The following WDR72 variants were observed in gnomAD, a reference collection of about 807,000 sequenced individuals.
WDR72 encodes WD repeat domain 72.
In WDR72, 120 loss-of-function variants were observed where a neutral mutation model predicts 124.2. That is an observed-to-expected ratio of 0.97 (90% CI 0.83 to 1.12). WDR72 has a LOEUF of 1.12. WDR72 is among the 50% of genes most tolerant of loss of function. WDR72 has a pLI of 0.00. For synonymous variants in WDR72, 452 were observed against 441.7 expected (o/e 1.02, Z -0.29); for missense variants, 1,387 against 1,278.8 (o/e 1.08, Z -1.29).
intron 17 of WDR72, among the ~76,000 whole-genome samples, chr15:53,601,655 G>A (rs1476795955): frequency 6.6e-6 from 1 of 151,986 alleles, no homozygotes; most frequent in Non-Finnish European, 1.5e-5. Flanking sequence ...AATCTACCAA[G>A]CAAGTGGAAA....
At chr15:53,650,290 A>T (rs2015186560) in intron 14 of WDR72, among the ~76,000 whole-genome samples, 1 of 152,186 alleles carries the variant, frequency 6.6e-6, no homozygotes, top group African/African-American at 2.4e-5. Context: ...TTAAGTTATT[A>T]ATCAATGGGC....
chr15:53,648,710 C>A (rs1185945914), intron 14 of WDR72, among the ~76,000 whole-genome samples: 1 of 151,910 alleles, frequency 6.6e-6, no homozygotes, highest in African/African-American at 2.4e-5. Flanking sequence ...TTCAATTCAA[C>A]ACATACTTAT....
intron 14 of WDR72, among the ~76,000 whole-genome samples, chr15:53,631,495 A>T (rs553497264): frequency 1.1e-3 from 171 of 152,330 alleles, no homozygotes; most frequent in African/African-American, 3.9e-3. Context: ...GATACCTGAA[A>T]ATGTGAAAGC....
intron 14 of WDR72, among the ~76,000 whole-genome samples, chr15:53,628,214 A>G (rs2014285588): frequency 6.6e-6 from 1 of 152,186 alleles, no homozygotes; most frequent in Non-Finnish European, 1.5e-5. Context: ...TTAATCTTCA[A>G]GTTTCTAAAT....
chr15:53,629,294 A>C (rs888404869), intron 14 of WDR72, among the ~76,000 whole-genome samples: 8 of 152,150 alleles, frequency 5.3e-5, no homozygotes, highest in Non-Finnish European at 7.4e-5. Context: ...TGAGCTTGCA[A>C]ACCAAACTTC....
At chr15:53,716,777 G>T in intron 3 of WDR72, 92 bp from the exon 4 acceptor site, 2 of 418,572 alleles carry the variant, frequency 4.8e-6, no homozygotes, top group Admixed American at 3.0e-5. Flanking sequence ...TTAGCAGCCT[G>T]ATCATTTATG....
chr15:53,719,866 G>A (rs2017824292), intron 3 of WDR72, among the ~76,000 whole-genome samples: 1 of 152,124 alleles, frequency 6.6e-6, no homozygotes, highest in Admixed American at 6.6e-5. Flanking sequence ...CCAAGTCCTG[G>A]TGCCCTACTT....
In WDR72 at chr15:53,707,064, A is replaced by G. The variant is rs762743681; in HGVS notation, c.955-990T>C. On this transcript the variant is annotated intron_variant, in intron 9 of 19. Transcript: ENST00000360509. ...GATCAAAATCATTTAAGCGATTACAAAAACAAAACCCAAACTCTCTTTGGC... is the reference window on the plus strand; with the variant it reads ...GATCAAAATCATTTAAGCGATTACAGAAACAAAACCCAAACTCTCTTTGGC... Among the ~76,000 whole-genome samples, 15 of 152,162 alleles carry G rather than the reference A, an allele frequency of 9.9e-5. 1 individual carries two copies. Among genetic ancestry groups the G allele is most frequent in the Non-Finnish European group, 1.9e-4 (13 of 68,032 alleles).
intron 14 of WDR72, among the ~76,000 whole-genome samples, chr15:53,649,941 G>C (rs957405305): frequency 3.3e-5 from 5 of 151,966 alleles, no homozygotes; most frequent in Non-Finnish European, 7.4e-5. Context: ...TCGACTTCTG[G>C]GTATTTATCC....
At chr15:53,531,049 GA>G (rs1464272930) in intron 18 of WDR72, among the ~76,000 whole-genome samples, 5 of 152,132 alleles carry the variant, frequency 3.3e-5, no homozygotes, top group African/African-American at 1.2e-4. Context: ...ATAGGAAATG[GA>G]AAATAAGAAA....
chr15:53,593,202 T>G (rs2012594180), intron 18 of WDR72, among the ~76,000 whole-genome samples: 1 of 152,064 alleles, frequency 6.6e-6, no homozygotes, highest in South Asian at 2.1e-4. Context: ...TGCATTTCCT[T>G]TAGTAAGAGA....
chr15:53,570,264 T>TG (rs200273425), intron 18 of WDR72, among the ~76,000 whole-genome samples: 1,599 of 20,838 alleles, frequency 0.077, 34 homozygotes, highest in African/African-American at 0.15. Context: ...CATATACCAT[T>TG]TTTTTTTTTT....
At chr15:53,719,978 A>T (rs2017827408) in intron 3 of WDR72, among the ~76,000 whole-genome samples, 1 of 152,142 alleles carries the variant, frequency 6.6e-6, no homozygotes, top group Admixed American at 6.6e-5. Context: ...TTAACTATAC[A>T]TATATAAAAA....
At chr15:53,559,408 T>C (rs1894052306) in intron 18 of WDR72, among the ~76,000 whole-genome samples, 1 of 152,078 alleles carries the variant, frequency 6.6e-6, no homozygotes, top group Non-Finnish European at 1.5e-5. Context: ...ACTCTTATTT[T>C]TCCTTACAAT....
At chr15:53,685,800 C>T (rs2016600139) in intron 13 of WDR72, among the ~76,000 whole-genome samples, 1 of 147,216 alleles carries the variant, frequency 6.8e-6, no homozygotes, top group Non-Finnish European at 1.5e-5. Context: ...ATGTTAAGGG[C>T]AGCCAGAGAG....
At chr15:53,687,868 T>C (rs1331227592) in intron 13 of WDR72, among the ~76,000 whole-genome samples, 3 of 149,192 alleles carry the variant, frequency 2.0e-5, no homozygotes, top group Admixed American at 6.6e-5. Flanking sequence ...TCCACCATGA[T>C]CAAGTGGGCT....
At chr15:53,558,610 T>C (rs1894012609) in intron 18 of WDR72, among the ~76,000 whole-genome samples, 1 of 152,042 alleles carries the variant, frequency 6.6e-6, no homozygotes, top group Non-Finnish European at 1.5e-5. Context: ...CATTAAAGTA[T>C]GTTTAATGGG....
chr15:53,551,634 C>T (rs989660752), intron 18 of WDR72, among the ~76,000 whole-genome samples: 1 of 152,074 alleles, frequency 6.6e-6, no homozygotes, highest in African/African-American at 2.4e-5. Context: ...AAAAATTAAA[C>T]ACAAAAGTCA....
intron 16 of WDR72, among the ~76,000 whole-genome samples, chr15:53,612,634 G>C (rs1245898459): frequency 6.6e-6 from 1 of 151,962 alleles, no homozygotes; most frequent in East Asian, 1.9e-4. Context: ...AGGTTGGATG[G>C]GGGTGTATAT....
Sources: gnomAD v4.1 joint callset for allele counts (sites outside exome capture counted in the v4.1 genomes callset) on GRCh38, gnomAD v4.1.1 for gene constraint, MANE v1.5 for transcripts, NCBI Gene and HGNC (gene_info 2026-07-23, HGNC 2026-07-21) for gene names.